The following ROCK1 variants were observed in gnomAD, a reference collection of about 807,000 sequenced individuals.
ROCK1 encodes the protein Rho associated coiled-coil containing protein kinase 1.
In ROCK1, 36 loss-of-function variants were observed where a neutral mutation model predicts 196.8. The observed-to-expected ratio is 0.18, with a 90% CI of 0.14 to 0.24. The LOEUF (loss-of-function observed/expected upper bound fraction) is 0.24, where lower values mean the gene tolerates loss of function less well. Ranked by LOEUF, ROCK1 falls within the 10% of genes least tolerant of loss-of-function variation. The probability of loss-of-function intolerance (pLI) is 1.00; values close to 1 mark genes in which losing one functional copy is unlikely to be tolerated. For missense variants in ROCK1, 920 were observed against 1,562.0 expected, an observed-to-expected ratio of 0.59 and a Z score of 6.93; for synonymous variants, 443 against 515.9, an observed-to-expected ratio of 0.86 and a Z score of 1.91.
At chr18:21,029,655 C>T (rs2035989740) in intron 9 of ROCK1, among the ~76,000 whole-genome samples, 1 of 151,924 alleles carries the variant, frequency 6.6e-6, no homozygotes, top group South Asian at 2.1e-4. Flanking sequence ...TGATGTGGAC[C>T]AAGTCTTCCA....
chr18:21,016,938 C>A (rs1460226219), intron 12 of ROCK1, among the ~76,000 whole-genome samples: 1 of 151,966 alleles, frequency 6.6e-6, no homozygotes, highest in African/African-American at 2.4e-5. Context: ...CCATCCTCCC[C>A]ATTCTCATCT....
At chr18:21,080,844 T>C (rs1293270800) in intron 1 of ROCK1, among the ~76,000 whole-genome samples, 2 of 152,146 alleles carry the variant, frequency 1.3e-5, no homozygotes, top group Non-Finnish European at 2.9e-5. Flanking sequence ...GGTATATAAA[T>C]ATACAAGCCC....
intron 22 of ROCK1, among the ~76,000 whole-genome samples, chr18:20,971,665 A>T (rs988563894): frequency 1.5e-5 from 2 of 137,722 alleles, no homozygotes; most frequent in East Asian, 2.1e-4. Context: ...CTCCGTCTCA[A>T]AAATAAATAA....
chr18:20,953,927 CCTT>C (rs757761690), intron 31 of ROCK1, 142 bp from the exon 32 acceptor site: 19 of 527,204 alleles, frequency 3.6e-5, no homozygotes, highest in South Asian at 1.4e-4. Flanking sequence ...ATCTCATTCT[CCTT>C]AAGTTAAATA....
At position 20,949,072 on chromosome 18, in the gene ROCK1, C is replaced by G. The variant is rs1188601565; in HGVS notation, c.*2312G>C. The G allele has an allele frequency of 6.6e-6, 1 of 152,220 alleles. No homozygotes were observed. The highest frequency in any genetic ancestry group is 2.4e-5 in the African/African-American group (1 of 41,438). 9.4% of individuals were successfully genotyped at this position (152,220 alleles called of 1,614,324 possible). A position where few individuals can be genotyped will look rare whatever the true frequency, so the allele number is the denominator to read the frequency against. The stretch of plus-strand genomic sequence containing the variant: ...AGCAGCTCTCCTGGTTGACCCAGTT[C>G]TGTAATGTGGCATTGGGAGTGATTC... On this transcript the variant is annotated 3_prime_UTR_variant, in exon 33 of 33. Transcript: ENST00000399799.
Position 21,111,278 on chromosome 18 carries a change from A to G in ROCK1, c.-368T>C, listed in dbSNP as rs2036749614. 6 of 471,040 alleles carry G rather than the reference A, an allele frequency of 1.3e-5. No homozygotes were observed. The East Asian group carries it at 2.0e-4, about 16-fold the overall frequency. The allele number at this position is 471,040 out of a possible 1,614,324, so 29.2% of individuals were successfully genotyped here. A position where few individuals can be genotyped will look rare whatever the true frequency, so the allele number is the denominator to read the frequency against. On this transcript the variant is annotated 5_prime_UTR_variant, in exon 1 of 33. Coordinates refer to ENST00000399799, the MANE Select transcript of ROCK1 (RefSeq NM_005406.3). This position sits in a 1 kb window ranked among gnomAD's most constrained non-coding sequence, Gnocchi z 4.2. ...CGTCCCGAGATGGGCAGGAGCGGGT[A>G]GAGAAAGAGAAGCAGGGTGGAGACT...
At chr18:21,023,594 T>A (rs2035932408) in intron 11 of ROCK1, 26 bp downstream of exon 11, 1 of 1,288,266 alleles carries the variant, frequency 7.8e-7, no homozygotes, top group South Asian at 1.4e-5. Flanking sequence ...TAAAAACAAT[T>A]TTCTTAATAC....
chr18:21,100,586 TAAAAA>T (rs751539363), intron 1 of ROCK1, among the ~76,000 whole-genome samples: 2 of 139,656 alleles, frequency 1.4e-5, no homozygotes, highest in African/African-American at 5.2e-5. Flanking sequence ...GCCAAAAATT[TAAAAA>T]AAAAAAAAAG....
chr18:21,035,144 A>C (rs1247767622), intron 9 of ROCK1, among the ~76,000 whole-genome samples: 2 of 152,244 alleles, frequency 1.3e-5, no homozygotes, highest in Non-Finnish European at 2.9e-5. Context: ...AAAACAGAAA[A>C]GAACAAATGC....
At position 20,966,880 on chromosome 18, in the gene ROCK1, A is replaced by T. The variant is rs781726296; in HGVS notation, c.3352+37T>A. ...AGAAATATACACTAATTTCCATGAC[A>T]TTTATACATGTTTGAATGATACAGA... On this transcript the variant is annotated intron_variant, in intron 27 of 32. Coordinates refer to ENST00000399799, the MANE Select transcript of ROCK1 (RefSeq NM_005406.3). 7.3e-6 allele frequency: 11 copies of T among 1,506,690 alleles called. No homozygotes were observed. The Admixed American group carries it at 2.1e-4, about 28-fold the overall frequency. The allele number at this position is 1,506,690 out of a possible 1,614,324, so 93.3% of individuals were successfully genotyped here. A position where few individuals can be genotyped will look rare whatever the true frequency, so the allele number is the denominator to read the frequency against.
intron 9 of ROCK1, among the ~76,000 whole-genome samples, chr18:21,030,365 T>A (rs2035995436): frequency 6.6e-6 from 1 of 152,204 alleles, no homozygotes; most frequent in African/African-American, 2.4e-5. Context: ...TAGCACCTAA[T>A]GAGTACAGTC....
intron 16 of ROCK1, 58 bp from the exon 17 acceptor site, chr18:20,992,995 G>C: frequency 3.0e-6 from 3 of 1,000,140 alleles, no homozygotes; most frequent in Non-Finnish European, 3.0e-6. Flanking sequence ...TTTTTGTTCA[G>C]TATTGACAAT....
intron 9 of ROCK1, 83 bp from the exon 10 acceptor site, chr18:21,029,018 G>T (rs1354458937): frequency 1.5e-6 from 2 of 1,360,364 alleles, no homozygotes; most frequent in East Asian, 2.4e-5. Flanking sequence ...ACTACTGATG[G>T]TTTCTCTCTT....
chr18:20,968,038 G>A (rs1598511289), intron 25 of ROCK1, 98 bp from the exon 26 acceptor site: 1 of 1,141,696 alleles, frequency 8.8e-7, no homozygotes, highest in Admixed American at 3.2e-5. Context: ...GACTTTCTGT[G>A]TGTATGAAAA....
chr18:20,966,157 G>T (rs1196914991), intron 27 of ROCK1, among the ~76,000 whole-genome samples: 1 of 152,086 alleles, frequency 6.6e-6, no homozygotes, highest in African/African-American at 2.4e-5. Context: ...CTGTGTATAT[G>T]TAAATGCATG....
chr18:21,081,997 G>A (rs1322568167), intron 1 of ROCK1, among the ~76,000 whole-genome samples: 1 of 152,088 alleles, frequency 6.6e-6, no homozygotes, highest in Non-Finnish European at 1.5e-5. Context: ...TGTTGCCCAG[G>A]GTGAAGTGTA....
chr18:21,071,948 A>G (rs2036389481), intron 1 of ROCK1, among the ~76,000 whole-genome samples: 1 of 152,198 alleles, frequency 6.6e-6, no homozygotes, highest in Non-Finnish European at 1.5e-5. Context: ...GGACCTTAAT[A>G]GTCTCACTTC....
chr18:20,949,528 A>G lies in ROCK1; in HGVS notation c.*1856T>C, dbSNP rs2035162052. On this transcript the variant is annotated 3_prime_UTR_variant, in exon 33 of 33. Transcript: ENST00000399799. ...CTTTATTATACTGGACAGTAAAAGA[A>G]CCCGACATCCTCACAAGGGAGAACT... The G allele has an allele frequency of 6.6e-6, 1 of 152,218 alleles. No homozygotes were observed. The highest frequency in any genetic ancestry group is 1.5e-5 in the Non-Finnish European group (1 of 68,054). The allele number at this position is 152,218 out of a possible 1,614,324, so 9.4% of individuals were successfully genotyped here.
At chr18:20,993,021 T>C (rs1223367213) in intron 16 of ROCK1, 84 bp from the exon 17 acceptor site, 13 of 799,150 alleles carry the variant, frequency 1.6e-5, no homozygotes, top group Non-Finnish European at 2.4e-5. Context: ...TTTTAAAAAA[T>C]GTTTTTTTAA....
Sources: allele counts gnomAD v4.1 joint callset (sites outside exome capture counted in the v4.1 genomes callset), GRCh38; gene constraint gnomAD v4.1.1; non-coding constraint Gnocchi (gnomAD v3.1); transcripts MANE v1.5; gene names NCBI Gene and HGNC (gene_info 2026-07-23, HGNC 2026-07-21).